Variants in ARHGEF10L observed in about 807,000 individuals in gnomAD.
ARHGEF10L encodes the protein rho guanine nucleotide exchange factor 10-like protein.
ARHGEF10L carries 69 observed loss-of-function variants against 141.2 expected under a neutral mutation model. The observed-to-expected ratio is 0.49, with a 90% CI of 0.40 to 0.60. The LOEUF is 0.60. Among genes scored for constraint, ARHGEF10L ranks in the 20% least tolerant of loss-of-function variants. The pLI, the probability that ARHGEF10L is intolerant of heterozygous loss-of-function variation, is 0.00. For synonymous variants in ARHGEF10L, 711 were observed against 718.5 expected (o/e 0.99, Z 0.17); for missense variants, 1,482 against 1,734.3 (o/e 0.85, Z 2.58).
rs1379414751 is a variant in ARHGEF10L, at chr1:17,588,445, G to A, written c.224-1G>A. On this transcript the variant is annotated splice_acceptor_variant, in intron 3 of 28. Coordinates refer to ENST00000361221, the MANE Select transcript of ARHGEF10L (RefSeq NM_018125.4). LOFTEE classifies it high-confidence loss of function. ...GCTCTCTGTCTGCTCTTCTTTTGCA[G>A]ACCCAGACCCAGCAGCTGCTCCACC... is the stretch of plus-strand genomic sequence containing the variant. 6.2e-7 allele frequency: 1 copy of A among 1,613,910 alleles called. No individual in the cohort carries two copies. Among genetic ancestry groups the A allele is most frequent in the African/African-American group, 1.3e-5 (1 of 74,910 alleles).
chr1:17,693,648 C>G (rs867913322), intron 27 of ARHGEF10L, among the ~76,000 whole-genome samples: 1 of 152,188 alleles, frequency 6.6e-6, no homozygotes, highest in Non-Finnish European at 1.5e-5. Flanking sequence ...GCCTTAACAT[C>G]CGTGCCTGGA....
At chr1:17,526,711 C>T in the ARHGEF10L span, among the ~76,000 whole-genome samples, 1 of 152,102 alleles carries the variant, frequency 6.6e-6, no homozygotes, top group East Asian at 1.9e-4. Flanking sequence ...TGAGACCAGC[C>T]TGGGCAACAT....
At chr1:17,663,318 G>A (rs1403100701) in intron 25 of ARHGEF10L, among the ~76,000 whole-genome samples, 3 of 152,206 alleles carry the variant, frequency 2.0e-5, no homozygotes, top group East Asian at 1.9e-4. Flanking sequence ...TTGGGAGGCC[G>A]AGGTGGGTGG....
intron 1 of ARHGEF10L, among the ~76,000 whole-genome samples, chr1:17,565,698 A>C (rs1321192018): frequency 6.6e-6 from 1 of 152,174 alleles, no homozygotes; most frequent in Non-Finnish European, 1.5e-5. Context: ...AGGCTCCGGG[A>C]CACAGGGCAG....
intron 26 of ARHGEF10L, among the ~76,000 whole-genome samples, chr1:17,681,241 C>A (rs546270093): frequency 6.6e-6 from 1 of 152,322 alleles, no homozygotes; most frequent in African/African-American, 2.4e-5. Context: ...CAGTTGCAGG[C>A]ATCATTACCC....
the ARHGEF10L span, among the ~76,000 whole-genome samples, chr1:17,531,111 C>T: frequency 2.0e-5 from 3 of 152,170 alleles, no homozygotes; most frequent in South Asian, 2.1e-4. Flanking sequence ...CAGAGCCTGG[C>T]GTATGGTAAA....
At position 17,593,596 on chromosome 1, in the gene ARHGEF10L, G is replaced by A. The variant is rs1017899741; in HGVS notation, c.257+5117G>A. ...GACCAAGGAATGCAGGTGGCTTCTC[G>A]AGGCTGGAAAAGGTGGGGGATGGCT... is the stretch of plus-strand genomic sequence containing the variant. On this transcript the variant is annotated intron_variant, in intron 4 of 28. Transcript: ENST00000361221. 5.3e-5 allele frequency among the ~76,000 whole-genome samples: 8 copies of A among 152,132 alleles called. No individual in the cohort carries two copies. In the East Asian group the frequency reaches 7.7e-4, roughly 15 times the overall value.
intron 1 of ARHGEF10L, among the ~76,000 whole-genome samples, chr1:17,577,343 G>A (rs1010096555): frequency 2.0e-5 from 3 of 152,234 alleles, no homozygotes; most frequent in African/African-American, 7.2e-5. Flanking sequence ...ACCATGACTG[G>A]CCTGAAGTGG....
At chr1:17,645,095 C>T (rs547167966) in intron 21 of ARHGEF10L, among the ~76,000 whole-genome samples, 2 of 152,282 alleles carry the variant, frequency 1.3e-5, no homozygotes, top group South Asian at 4.1e-4. Context: ...GGGGAGCTCT[C>T]ATGCCCAGGG....
chr1:17,518,527 C>T, the ARHGEF10L span, among the ~76,000 whole-genome samples: 1 of 152,176 alleles, frequency 6.6e-6, no homozygotes, highest in African/African-American at 2.4e-5. Context: ...CGCAGTGGCT[C>T]AAGCCTATAA....
intron 26 of ARHGEF10L, among the ~76,000 whole-genome samples, chr1:17,678,778 C>T (rs1009988312): frequency 7.9e-5 from 12 of 152,146 alleles, no homozygotes; most frequent in East Asian, 1.9e-4. Context: ...GTCAGGACAG[C>T]GTTCTCTGCA....
At chr1:17,650,494 A>G (rs1315220929) in intron 22 of ARHGEF10L, among the ~76,000 whole-genome samples, 1 of 152,094 alleles carries the variant, frequency 6.6e-6, no homozygotes, top group Non-Finnish European at 1.5e-5. Context: ...GGATTTTGGG[A>G]GGCCAAGGCA....
At chr1:17,660,260 C>T (rs774624670) in intron 25 of ARHGEF10L, among the ~76,000 whole-genome samples, 1 of 152,170 alleles carries the variant, frequency 6.6e-6, no homozygotes. Flanking sequence ...GGTTCGGAGT[C>T]CCCCCTTGAG....
At position 17,656,004 on chromosome 1, in the gene ARHGEF10L, G is replaced by C. The variant is rs1411922477; in HGVS notation, c.2607G>C (p.Glu869Asp). The change falls in exon 24 of 29, where the codon GAG becomes GAC. Residue 869 changes from glutamate to aspartate, a missense_variant. Coordinates refer to ENST00000361221, the MANE Select transcript of ARHGEF10L (RefSeq NM_018125.4). The surrounding 1 kb of genome is among the most constrained non-coding windows in gnomAD (Gnocchi z 4.9). ...TGCTCTGCATGGAGTATATCCCGGA[G>C]CTGGAGGAGGAGGCGGAGAGCAGAG... ...APVLCMEYIP[E>D]LEEEAESRDE... 2 of 1,572,186 alleles carry C rather than the reference G, an allele frequency of 1.3e-6. No homozygotes were observed.
rs1410693680 is a variant in ARHGEF10L at position 17,638,750 on chromosome 1, G to A, written c.2171+61G>A. The A allele has an allele frequency of 3.1e-6, 5 of 1,603,116 alleles. No homozygotes were observed. In the African/African-American group the frequency reaches 5.4e-5, roughly 17 times the overall value. On this transcript the variant is annotated intron_variant, in intron 20 of 28. Transcript: ENST00000361221. ...CTCTGCTGGGCTTCCAGTGGAGCAG[G>A]GGATCCGGAGAGGGTACCTGGAGCC...
chr1:17,583,067 A>T (rs1233460720), intron 2 of ARHGEF10L, among the ~76,000 whole-genome samples: 1 of 151,092 alleles, frequency 6.6e-6, no homozygotes, highest in African/African-American at 2.4e-5. Context: ...ATGAAAAAAA[A>T]AAAAAATAGC....
At chr1:17,637,572 C>T (rs1250764445) in intron 18 of ARHGEF10L, among the ~76,000 whole-genome samples, 1 of 152,008 alleles carries the variant, frequency 6.6e-6, no homozygotes, top group Non-Finnish European at 1.5e-5. Flanking sequence ...GATCTCGGCT[C>T]ACTGCAAGCT....
rs374514013 is a variant in ARHGEF10L, at chr1:17,605,506, A to T, written c.433+1915A>T. On this transcript the variant is annotated intron_variant, in intron 6 of 28. Coordinates refer to ENST00000361221, the MANE Select transcript of ARHGEF10L (RefSeq NM_018125.4). ...GGCCCTCGGGCTGCACACAGGCACAAGAGTTCTGTGACTCTGTCTCCACTG... is the reference window on the plus strand; with the variant it reads ...GGCCCTCGGGCTGCACACAGGCACATGAGTTCTGTGACTCTGTCTCCACTG... Among the ~76,000 whole-genome samples, 12 of 152,338 alleles carry T rather than the reference A, an allele frequency of 7.9e-5. No homozygotes were observed. The South Asian group carries it at 8.3e-4, about 11-fold the overall frequency.
the ARHGEF10L span, among the ~76,000 whole-genome samples, chr1:17,514,200 G>A: frequency 4.1e-5 from 5 of 122,312 alleles, no homozygotes; most frequent in Non-Finnish European, 7.9e-5. Flanking sequence ...ACAGTGGCAT[G>A]ATCTCAGCTT....
Sources: allele counts gnomAD v4.1 joint callset (sites outside exome capture counted in the v4.1 genomes callset), GRCh38; gene constraint gnomAD v4.1.1; non-coding constraint Gnocchi (gnomAD v3.1); transcripts MANE v1.5; gene names NCBI Gene and HGNC (gene_info 2026-07-23, HGNC 2026-07-21).